The following CDH6 variants were observed in gnomAD, a reference collection of about 807,000 sequenced individuals.
CDH6 encodes the protein cadherin-6.
CDH6 carries 31 observed loss-of-function variants against 78.0 expected under a neutral mutation model. The ratio of observed to expected loss-of-function variants is 0.40; its 90% confidence interval spans 0.30 to 0.54. CDH6 has a LOEUF of 0.54. CDH6 is among the 20% of genes least tolerant of loss of function. The probability of loss-of-function intolerance (pLI) is 0.56; values close to 1 mark genes in which losing one functional copy is unlikely to be tolerated. For missense variants in CDH6, 724 were observed against 975.9 expected (o/e 0.74, Z 3.44); for synonymous variants, 376 against 368.8 (o/e 1.02, Z -0.23).
At chr5:31,246,644 G>A (rs1316023939) in intron 1 of CDH6, among the ~76,000 whole-genome samples, 1 of 152,222 alleles carries the variant, frequency 6.6e-6, no homozygotes, top group Non-Finnish European at 1.5e-5. Context: ...GGGCAAACAT[G>A]ATTTTGGCAA....
intron 1 of CDH6, among the ~76,000 whole-genome samples, chr5:31,252,158 G>A (rs1741927241): frequency 6.6e-6 from 1 of 152,128 alleles, no homozygotes; most frequent in Non-Finnish European, 1.5e-5. Context: ...GAAATTTTTT[G>A]CTGTGGCTAA....
intron 11 of CDH6, among the ~76,000 whole-genome samples, chr5:31,321,399 A>T (rs1220127320): frequency 6.6e-6 from 1 of 152,212 alleles, no homozygotes; most frequent in Non-Finnish European, 1.5e-5. Flanking sequence ...CATGGCAATT[A>T]TGAATGCAGG....
At chr5:31,224,841 G>T (rs1463824945) in intron 1 of CDH6, among the ~76,000 whole-genome samples, 1 of 152,158 alleles carries the variant, frequency 6.6e-6, no homozygotes, top group Admixed American at 6.6e-5. Flanking sequence ...ACTGCACCCA[G>T]CTCTCAATAC....
At position 31,305,358 on chromosome 5, in the gene CDH6, A is replaced by G. The variant is rs1354633983; in HGVS notation, c.1184A>G (p.Asp395Gly). ...KLAYILQIRE[D>G]AQINTTIGSV... ...GCCTACATCTTACAAATAAGAGAAG[A>G]TGCTCAGATAAACACCACAATAGGC... Residue 395 changes from aspartate to glycine, a missense_variant, in exon 7 of 12, where the codon GAT becomes GGT. Asp to Gly is a moderately conservative substitution (Grantham distance 94). Around this residue, in one of 3 missense-constraint regions of CDH6, gnomAD observed 446 missense variants for 684.5 expected, o/e 0.65. Coordinates refer to ENST00000265071, the MANE Select transcript of CDH6 (RefSeq NM_004932.4). 6.2e-7 allele frequency: 1 copy of G among 1,614,032 alleles called. No homozygotes were observed. The highest frequency in any genetic ancestry group is 8.5e-7 in the Non-Finnish European group (1 of 1,179,986).
intron 1 of CDH6, among the ~76,000 whole-genome samples, chr5:31,247,170 T>C (rs1741774763): frequency 6.6e-6 from 1 of 152,182 alleles, no homozygotes; most frequent in Non-Finnish European, 1.5e-5. Flanking sequence ...TCAAAAGTTA[T>C]CGATGATCAA....
intron 6 of CDH6, 23 bp downstream of exon 6, chr5:31,302,321 A>G (rs1361154191): frequency 1.5e-5 from 24 of 1,572,160 alleles, no homozygotes; most frequent in Admixed American, 1.0e-4. Context: ...CTTAAACACC[A>G]TACAGAGTGA....
At position 31,306,294 on chromosome 5, in the gene CDH6, T is replaced by A. The variant is rs1393738548; in HGVS notation, c.1253+867T>A. ...AAATTAATACAACAGAGTCCAAATGTATGCTACGTAAACTAATTCTGTTTT... is the reference window on the plus strand; with the variant it reads ...AAATTAATACAACAGAGTCCAAATGAATGCTACGTAAACTAATTCTGTTTT... On this transcript the variant is annotated intron_variant, in intron 7 of 11. Transcript: ENST00000265071. Among the ~76,000 whole-genome samples the A allele has an allele frequency of 2.0e-5, 3 of 152,228 alleles. No homozygotes were observed. In the South Asian group the frequency reaches 6.2e-4, roughly 32 times the overall value.
rs142682376 is a variant in CDH6, at chr5:31,328,238, G to C, written c.*4930G>C. 5.5e-6 allele frequency: 1 copy of C among 182,028 alleles called. No homozygotes were observed. The highest frequency in any genetic ancestry group is 2.5e-5 in the African/African-American group (1 of 39,946). The allele number at this position is 182,028 out of a possible 1,614,324, so 11.3% of individuals were successfully genotyped here. ...ACAAACTCAAATTTCTCCTCAAATG[G>C]GGTTAATCTGACAAACGAGGCATGG... On this transcript the variant is annotated 3_prime_UTR_variant, in exon 12 of 12. Transcript: ENST00000265071.
chr5:31,240,837 T>C (rs1020144023), intron 1 of CDH6, among the ~76,000 whole-genome samples: 1 of 152,202 alleles, frequency 6.6e-6, no homozygotes, highest in African/African-American at 2.4e-5. Flanking sequence ...TTTATCTCTC[T>C]TCCATTGCTA....
intron 1 of CDH6, among the ~76,000 whole-genome samples, chr5:31,253,304 G>A (rs1364623775): frequency 1.3e-5 from 2 of 152,186 alleles, no homozygotes; most frequent in Admixed American, 6.5e-5. Flanking sequence ...ATGATAATGA[G>A]TGAGTTCTCA....
In CDH6 at chr5:31,275,064, G is replaced by A. The variant is rs116252432; in HGVS notation, c.228+7363G>A. Reference sequence around the variant, plus strand: ...CTTGTTCGTAGTATTAGTAAACCACGTAGATACTGATTGCACCAGAGTTCT... The same window carrying A: ...CTTGTTCGTAGTATTAGTAAACCACATAGATACTGATTGCACCAGAGTTCT... On this transcript the variant is annotated intron_variant, in intron 2 of 11. Transcript: ENST00000265071. 2.6e-3 allele frequency among the ~76,000 whole-genome samples: 393 copies of A among 152,268 alleles called. 1 individual carries two copies. The highest frequency in any genetic ancestry group is 4.1e-3 in the Non-Finnish European group (277 of 68,022).
chr5:31,242,572 A>T (rs1409180408), intron 1 of CDH6, among the ~76,000 whole-genome samples: 2 of 152,180 alleles, frequency 1.3e-5, no homozygotes, highest in Non-Finnish European at 2.9e-5. Context: ...TGATAGTAGC[A>T]GTGGCAGGAT....
rs1738673006 is a variant in CDH6, at chr5:31,328,909, G to T, written c.*5601G>T. 1 of 220,720 alleles carries T rather than the reference G, an allele frequency of 4.5e-6. No homozygotes were observed. Among genetic ancestry groups the T allele is most frequent in the Non-Finnish European group, 9.1e-6 (1 of 110,200 alleles). 13.7% of individuals were successfully genotyped at this position (220,720 alleles called of 1,614,324 possible). A position where few individuals can be genotyped will look rare whatever the true frequency, so the allele number is the denominator to read the frequency against. ...GAAAGTTTTCTGTGTTAGAAGAATG[G>T]GGTCGAGAGTATTACCTTTTAGCTC... is the stretch of plus-strand genomic sequence containing the variant. On this transcript the variant is annotated 3_prime_UTR_variant, in exon 12 of 12. Coordinates refer to ENST00000265071, the MANE Select transcript of CDH6 (RefSeq NM_004932.4).
intron 1 of CDH6, among the ~76,000 whole-genome samples, chr5:31,204,224 T>C (rs1740451237): frequency 6.6e-6 from 1 of 152,226 alleles, no homozygotes; most frequent in Non-Finnish European, 1.5e-5. Flanking sequence ...AAGAGCACTG[T>C]GGTTTGTTTT....
In CDH6 at chr5:31,323,055, G is replaced by C; in HGVS notation, c.2120G>C (p.Arg707Pro). 1 of 1,614,116 alleles carries C rather than the reference G, an allele frequency of 6.2e-7. No individual in the cohort carries two copies. Among genetic ancestry groups the C allele is most frequent in the Non-Finnish European group, 8.5e-7 (1 of 1,180,028 alleles). Residue 707 changes from arginine to proline, a missense_variant, in exon 12 of 12, where the codon CGC (arginine) becomes CCC (proline). Around this residue, in one of 3 missense-constraint regions of CDH6, gnomAD observed 220 missense variants for 240.6 expected, o/e 0.91. Transcript: ENST00000265071. The part of the protein sequence containing the change: ...LFLPRRTPTA[R>P]DNTDVRDFIN... ...CTACCCCGACGGACTCCAACAGCTC[G>C]CGACAACACCGATGTCAGAGATTTC... is the stretch of plus-strand genomic sequence containing the variant.
intron 6 of CDH6, among the ~76,000 whole-genome samples, 188 bp from the exon 7 acceptor site, chr5:31,304,986 C>T (rs1334666197): frequency 6.6e-6 from 1 of 152,142 alleles, no homozygotes; most frequent in African/African-American, 2.4e-5. Flanking sequence ...GCCTAACAGC[C>T]TAGATATAAG....
At chr5:31,268,668 T>C (rs931568690) in intron 2 of CDH6, among the ~76,000 whole-genome samples, 5 of 152,194 alleles carry the variant, frequency 3.3e-5, no homozygotes, top group Non-Finnish European at 7.4e-5. Flanking sequence ...AATGCATTCA[T>C]TTGTGATTAC....
At chr5:31,278,311 T>G (rs1742757974) in intron 2 of CDH6, among the ~76,000 whole-genome samples, 1 of 152,122 alleles carries the variant, frequency 6.6e-6, no homozygotes, top group Admixed American at 6.6e-5. Context: ...CACAAATATT[T>G]TATGATACAA....
Position 31,302,102 on chromosome 5 carries a change from G to A in CDH6, c.812-9G>A. 1 of 1,589,268 alleles carries A rather than the reference G, an allele frequency of 6.3e-7. No individual in the cohort carries two copies. Among genetic ancestry groups the A allele is most frequent in the Non-Finnish European group, 8.6e-7 (1 of 1,161,126 alleles). Reference sequence around the variant, plus strand: ...TATGTTTGACTTATATCTGTCTGGTGATTAATAGGTACATACCAGTTTAAA... The same window carrying A: ...TATGTTTGACTTATATCTGTCTGGTAATTAATAGGTACATACCAGTTTAAA... On this transcript the variant is annotated splice_polypyrimidine_tract_variant and intron_variant, in intron 5 of 11. Coordinates refer to ENST00000265071, the MANE Select transcript of CDH6 (RefSeq NM_004932.4).
Sources: allele counts gnomAD v4.1 joint callset (sites outside exome capture counted in the v4.1 genomes callset), GRCh38; gene constraint gnomAD v4.1.1; regional missense constraint gnomAD v4.1.1; transcripts MANE v1.5; gene names NCBI Gene and HGNC (gene_info 2026-07-23, HGNC 2026-07-21).